The following DHX30 variants were observed in gnomAD, a reference collection of about 807,000 sequenced individuals.
DHX30 encodes the protein DExH-box helicase 30.
In DHX30, 4 loss-of-function variants were observed where a neutral mutation model predicts 116.9. That is an observed-to-expected ratio of 0.03 (90% confidence interval 0.02 to 0.08). The LOEUF is 0.08. DHX30 is among the 10% of genes least tolerant of loss of function. The pLI, the probability that DHX30 is intolerant of heterozygous loss-of-function variation, is 1.00. For synonymous variants in DHX30, 697 were observed against 651.7 expected, an observed-to-expected ratio of 1.07 and a Z score of -1.06; for missense variants, 871 against 1,595.1, an observed-to-expected ratio of 0.55 and a Z score of 7.73.
At chr3:47,831,259 A>G (rs1306888136) in intron 6 of DHX30, 1 of 152,134 alleles carries the variant, frequency 6.6e-6, no homozygotes, top group East Asian at 1.9e-4. Flanking sequence ...TCCCACAGCA[A>G]GAGAGAAGCT....
At position 47,840,944 on chromosome 3, in the gene DHX30, G is replaced by A. The variant is rs1027350755; in HGVS notation, c.434G>A (p.Arg145His). 1 of 1,614,086 alleles carries A rather than the reference G, an allele frequency of 6.2e-7. No homozygotes were observed. The highest frequency in any genetic ancestry group is 1.1e-5 in the South Asian group (1 of 91,090). ...DAAKYRVLAD[R>H]FGSPADSWWR... ...GCCAAATACCGAGTGCTAGCTGATC[G>A]CTTTGGCTCCCCTGCCGACAGCTGG... Residue 145 changes from arginine (R) to histidine (H), a missense_variant, in exon 7 of 22, where the codon CGC (arginine) becomes CAC (histidine). Coordinates refer to ENST00000445061, the MANE Select transcript of DHX30 (RefSeq NM_138615.3).
intron 9 of DHX30, among the ~76,000 whole-genome samples, chr3:47,844,808 A>G (rs2037527984): frequency 6.6e-6 from 1 of 152,208 alleles, no homozygotes; most frequent in African/African-American, 2.4e-5. Flanking sequence ...GGTAAGACAC[A>G]GTGTTTTCCT....
intron 10 of DHX30, 131 bp from the exon 11 acceptor site, chr3:47,846,034 T>G: frequency 7.2e-7 from 1 of 1,391,944 alleles, no homozygotes; most frequent in East Asian, 2.3e-5. Context: ...GGGGCAGTCA[T>G]GGACTAAATT....
chr3:47,830,043 G>A (rs2036770089), intron 6 of DHX30, among the ~76,000 whole-genome samples: 1 of 151,258 alleles, frequency 6.6e-6, no homozygotes, highest in Non-Finnish European at 1.5e-5. Context: ...TGTTAGCCAG[G>A]ATGGTCTCAA....
In DHX30 at chr3:47,848,224, C is replaced by T. The variant is rs149493404; in HGVS notation, c.2331C>T (p.Ile777=). 6.3e-4 allele frequency: 1,019 copies of T among 1,613,640 alleles called. 1 individual carries two copies. Among genetic ancestry groups the T allele is most frequent in the Non-Finnish European group, 8.4e-4 (988 of 1,180,016 alleles). ...TGTGGGTATCAAGAGCCAATGTGAT[C>T]CAGCGCCGGGGCCGGGCGGGCCGCT... The part of the protein sequence containing the change: ...ETVWVSRANV[I]QRRGRAGRCQ... Residue 777 remains isoleucine (I), a synonymous_variant, in exon 15 of 22, where the codon ATC becomes ATT. Transcript: ENST00000445061. The surrounding 1 kb of genome is among the most constrained non-coding windows in gnomAD (Gnocchi z 9.4).
Position 47,825,163 on chromosome 3 carries a change from C to T in DHX30, c.125-2184C>T, listed in dbSNP as rs1041055594. On this transcript the variant is annotated intron_variant, in intron 4 of 21. Transcript: ENST00000445061. ...CGGCTTCTCTTCAAGCTGCGCCCACCCCGACCACACCAAGGAAGCCGCCGA... is the reference window on the plus strand; with the variant it reads ...CGGCTTCTCTTCAAGCTGCGCCCACTCCGACCACACCAAGGAAGCCGCCGA... 1.0e-5 allele frequency: 7 copies of T among 669,120 alleles called. No homozygotes were observed. In the Admixed American group the frequency reaches 1.5e-4, roughly 14 times the overall value. 41.4% of individuals were successfully genotyped at this position (669,120 alleles called of 1,614,324 possible). A position where few individuals can be genotyped will look rare whatever the true frequency, so the allele number is the denominator to read the frequency against.
intron 3 of DHX30, among the ~76,000 whole-genome samples, chr3:47,815,124 G>A (rs891306635): frequency 2.6e-5 from 4 of 152,118 alleles, no homozygotes; most frequent in Non-Finnish European, 5.9e-5. Flanking sequence ...TGTGAAGCTT[G>A]AGGTTCCCGA....
intron 3 of DHX30, among the ~76,000 whole-genome samples, chr3:47,814,660 A>G (rs1052402528): frequency 2.0e-5 from 3 of 151,658 alleles, no homozygotes; most frequent in Non-Finnish European, 4.4e-5. Flanking sequence ...AGCTGGGACT[A>G]CAGGCGCCAG....
chr3:47,829,141 C>T lies in DHX30; in HGVS notation c.366+7C>T, dbSNP rs1305696505. 6.6e-7 allele frequency: 1 copy of T among 1,513,088 alleles called. No homozygotes were observed. The highest frequency in any genetic ancestry group is 9.0e-7 in the Non-Finnish European group (1 of 1,115,390). 93.7% of individuals were successfully genotyped at this position (1,513,088 alleles called of 1,614,324 possible). A position where few individuals can be genotyped will look rare whatever the true frequency, so the allele number is the denominator to read the frequency against. On this transcript the variant is annotated splice_region_variant and intron_variant, in intron 6 of 21. Coordinates refer to ENST00000445061, the MANE Select transcript of DHX30 (RefSeq NM_138615.3). ...AGCCTGCCAGCTGTTCAAGGTGACC[C>T]TTCCTCAGTGAAAGCCACTGAGACC...
chr3:47,815,742 A>AAAAAAAAAAAAAAC (rs2036022684), intron 3 of DHX30, among the ~76,000 whole-genome samples: 1 of 150,104 alleles, frequency 6.7e-6, no homozygotes, highest in Non-Finnish European at 1.5e-5. Context: ...AAAAAAAAAA[A>AAAAAAAAAAAAAAC]AAAAAAAAAG....
At chr3:47,825,849 C>G (rs1018365474) in intron 4 of DHX30, 1 of 152,264 alleles carries the variant, frequency 6.6e-6, no homozygotes, top group Non-Finnish European at 1.5e-5. Flanking sequence ...AAACCCCCCC[C>G]GCCCCGGCCA....
chr3:47,846,059 C>A, intron 10 of DHX30, 106 bp from the exon 11 acceptor site: 1 of 1,412,694 alleles, frequency 7.1e-7, no homozygotes, highest in Non-Finnish European at 9.6e-7. Context: ...CTCTGCCCAG[C>A]GGGTTGGGCC....
In DHX30 at chr3:47,848,066, G is replaced by T. The variant is rs77286298; in HGVS notation, c.2286+110G>T. 1.3e-6 allele frequency: 2 copies of T among 1,578,704 alleles called. No homozygotes were observed. The highest frequency in any genetic ancestry group is 1.7e-6 in the Non-Finnish European group (2 of 1,155,092). On this transcript the variant is annotated intron_variant, in intron 14 of 21. Coordinates refer to ENST00000445061, the MANE Select transcript of DHX30 (RefSeq NM_138615.3). The surrounding 1 kb of genome is among the most constrained non-coding windows in gnomAD (Gnocchi z 9.4). ...CTGCTTTGTGTGTCTTCAGAAGGCCGCGCTTGTGGGGTCTCAGTGTTCCTG... is the reference window on the plus strand; with the variant it reads ...CTGCTTTGTGTGTCTTCAGAAGGCCTCGCTTGTGGGGTCTCAGTGTTCCTG...
rs779415996 is a variant in DHX30, at chr3:47,850,054, G to A, written c.3519G>A (p.Ala1173=). 19 of 1,599,646 alleles carry A rather than the reference G, an allele frequency of 1.2e-5. No individual in the cohort carries two copies. Among genetic ancestry groups the A allele is most frequent in the Non-Finnish European group, 1.4e-5 (16 of 1,174,952 alleles). The change falls in exon 22 of 22, where the codon GCG becomes GCA. Residue 1173 remains alanine, a synonymous_variant. Coordinates refer to ENST00000445061, the MANE Select transcript of DHX30 (RefSeq NM_138615.3). ...AGGAGGAGCACGGGCAGCTGCTTGCGCTACTGGCAGAGCTGCTGCGAGGAC... is the reference window on the plus strand; with the variant it reads ...AGGAGGAGCACGGGCAGCTGCTTGCACTACTGGCAGAGCTGCTGCGAGGAC... ...SVQEEHGQLL[A]LLAELLRGPC... is the part of the protein sequence containing the mutation.
At chr3:47,803,261 G>A in intron 1 of DHX30, 49 bp downstream of exon 1, 1 of 391,522 alleles carries the variant, frequency 2.6e-6, no homozygotes, top group Non-Finnish European at 4.5e-6. Context: ...TGAGGAGCCT[G>A]CCGCGGCCGG....
intron 6 of DHX30, among the ~76,000 whole-genome samples, chr3:47,839,694 T>G (rs2107100698): frequency 6.6e-6 from 1 of 151,326 alleles, no homozygotes; most frequent in East Asian, 2.0e-4. Context: ...TGTTTGTTTG[T>G]TTTTTTGTGG....
intron 4 of DHX30, among the ~76,000 whole-genome samples, chr3:47,826,444 CTTTTTTTT>C: frequency 7.5e-6 from 1 of 133,950 alleles, no homozygotes; most frequent in African/African-American, 2.7e-5. Flanking sequence ...GGTTTTCTTT[CTTTTTTTT>C]TTTTTTTTTT....
At chr3:47,841,220 C>G (rs1027737870) in intron 7 of DHX30, 42 bp downstream of exon 7, 19 of 1,602,720 alleles carry the variant, frequency 1.2e-5, no homozygotes, top group Non-Finnish European at 1.6e-5. Context: ...CTGGCTGTGC[C>G]TTGACACGGG....
In DHX30 at chr3:47,848,847, C is replaced by T. The variant is rs1576523311; in HGVS notation, c.2769+30C>T. On this transcript the variant is annotated intron_variant, in intron 17 of 21. Transcript: ENST00000445061. The surrounding 1 kb of genome is among the most constrained non-coding windows in gnomAD (Gnocchi z 9.4). Reference sequence around the variant, plus strand: ...GTCCTGGCTCCTTCCTGGAGCCGTCCACCCACTGCTGTTCTGAGGGGGCGT... The same window carrying T: ...GTCCTGGCTCCTTCCTGGAGCCGTCTACCCACTGCTGTTCTGAGGGGGCGT... 1.2e-6 allele frequency: 2 copies of T among 1,601,152 alleles called. No homozygotes were observed. Among genetic ancestry groups the T allele is most frequent in the Middle Eastern group, 1.7e-4 (1 of 6,024 alleles).
Sources: allele counts gnomAD v4.1 joint callset (sites outside exome capture counted in the v4.1 genomes callset), GRCh38; gene constraint gnomAD v4.1.1; non-coding constraint Gnocchi (gnomAD v3.1); transcripts MANE v1.5; gene names NCBI Gene and HGNC (gene_info 2026-07-23, HGNC 2026-07-21).